The following TMEM164 variants were observed in gnomAD, a reference collection of about 807,000 sequenced individuals.
TMEM164 encodes transmembrane protein 164, also known as RP13-360B22.2.
A neutral mutation model predicts 18.8 loss-of-function variants in TMEM164; 4 were observed. That is an observed-to-expected ratio of 0.21 (90% CI 0.10 to 0.49). TMEM164 has a LOEUF of 0.49. TMEM164 is among the 20% of genes least tolerant of loss of function. TMEM164 has a pLI of 0.98. For synonymous variants in TMEM164, 86 were observed against 101.7 expected (o/e 0.85, Z 0.93); for missense variants, 108 against 239.9 (o/e 0.45, Z 3.63).
At chrX:110,168,881 T>A (rs935034253) in intron 5 of TMEM164, among the ~76,000 whole-genome samples, 10 of 112,848 alleles carry the variant, frequency 8.9e-5, no homozygotes, top group Non-Finnish European at 1.9e-4. Flanking sequence ...CATATAACAA[T>A]GAAAATAATC....
rs59507144 is a variant in TMEM164, at chrX:110,124,176, A to AAGGAAGGCAGGC, written c.507+15033_507+15034insAAGGCAGGCAGG. Among the ~76,000 whole-genome samples the AAGGAAGGCAGGC allele has an allele frequency of 8.5e-3, 658 of 77,121 alleles. 12 individuals carry two copies. The highest frequency in any genetic ancestry group is 0.041 in the East Asian group (88 of 2,133). 67.0% of individuals were successfully genotyped at this position (77,121 alleles called of 115,157 possible). A position where few individuals can be genotyped will look rare whatever the true frequency, so the allele number is the denominator to read the frequency against. On this transcript the variant is annotated intron_variant, in intron 4 of 6. Transcript: ENST00000372068. The stretch of plus-strand genomic sequence containing the variant: ...GAAGGAAGGAAGGAAGGAAGGAAGG[A>AAGGAAGGCAGGC]AGGCAGGAAGGCAGGCAGGCAGGCA...
chrX:110,182,842 A>G (rs1055261505), downstream of TMEM164: 1 of 111,827 alleles, frequency 8.9e-6, no homozygotes, highest in East Asian at 2.8e-4. Flanking sequence ...CAGTCACTCA[A>G]ATTAAGCTCT....
At chrX:110,070,326 TA>T (rs900643436) in intron 3 of TMEM164, among the ~76,000 whole-genome samples, 51 of 110,967 alleles carry the variant, frequency 4.6e-4, no homozygotes, top group Non-Finnish European at 8.5e-4. Flanking sequence ...AAAAAAAACA[TA>T]AAAAAAATTC....
At chrX:110,003,469 C>CT (rs66969246) in intron 1 of TMEM164, 32 bp from the exon 2 acceptor site, 3,045 of 187,466 alleles carry the variant, frequency 0.016, no homozygotes, top group Non-Finnish European at 0.021. Flanking sequence ...TTTGAGACCT[C>CT]TTTTTTTTTT....
chrX:110,003,993 C>T lies in TMEM164; in HGVS notation c.219C>T (p.Gly73=). 8.3e-7 allele frequency: 1 copy of T among 1,211,652 alleles called. No individual in the cohort carries two copies. The highest frequency in any genetic ancestry group is 1.8e-5 in the South Asian group (1 of 56,952). The change falls in exon 2 of 7, where the codon GGC becomes GGT. Residue 73 remains glycine, a synonymous_variant. Coordinates refer to ENST00000372068, the MANE Select transcript of TMEM164 (RefSeq NM_032227.4). ...QTKEDGRGSP[G]SQPEQVTQRP... The stretch of plus-strand genomic sequence containing the variant: ...AGGAGGACGGTAGGGGTAGCCCTGG[C>T]AGCCAGCCAGAGCAGGTGACCCAGC...
At chrX:110,086,374 A>G (rs1194193694) in intron 3 of TMEM164, among the ~76,000 whole-genome samples, 2 of 111,502 alleles carry the variant, frequency 1.8e-5, no homozygotes, top group South Asian at 3.7e-4. Flanking sequence ...TGTTTTAACT[A>G]TTTAACTGTT....
intron 3 of TMEM164, among the ~76,000 whole-genome samples, chrX:110,084,481 G>GTATATATATATATATATAT (rs1263986271): frequency 6.4e-5 from 3 of 46,662 alleles, no homozygotes; most frequent in African/African-American, 2.2e-4. Context: ...TATATATAGA[G>GTATATATATATATATATAT]AGAGAGAGAG....
At chrX:110,096,589 G>A (rs1187732099) in intron 3 of TMEM164, among the ~76,000 whole-genome samples, 4 of 112,136 alleles carry the variant, frequency 3.6e-5, no homozygotes, top group Admixed American at 9.5e-5. Context: ...TGTCTGTCAC[G>A]GCTTCCCTTG....
chrX:110,120,800 A>G (rs1334998026), intron 4 of TMEM164, among the ~76,000 whole-genome samples: 3 of 111,722 alleles, frequency 2.7e-5, no homozygotes, highest in Non-Finnish European at 3.8e-5. Flanking sequence ...TTTCTATGAC[A>G]TTAACTTTGT....
At chrX:110,110,689 A>C (rs931155360) in intron 4 of TMEM164, among the ~76,000 whole-genome samples, 8 of 112,422 alleles carry the variant, frequency 7.1e-5, no homozygotes, top group Middle Eastern at 4.6e-3. Flanking sequence ...TGATTGAGAG[A>C]GTCTACAAGT....
rs755500299 is a variant in TMEM164, at chrX:110,079,886, C to T, written c.440+12490C>T. Among the ~76,000 whole-genome samples, 4 of 109,214 alleles carry T rather than the reference C, an allele frequency of 3.7e-5. No homozygotes were observed. The South Asian group carries it at 1.6e-3, about 44-fold the overall frequency. The allele number at this position is 109,214 out of a possible 115,157, so 94.8% of individuals were successfully genotyped here. ...AGGAGATATACCTAATGCTAAATGA[C>T]GAGTTAATGGTTGCAGCACACCAGC... On this transcript the variant is annotated intron_variant, in intron 3 of 6. Coordinates refer to ENST00000372068, the MANE Select transcript of TMEM164 (RefSeq NM_032227.4).
intron 3 of TMEM164, among the ~76,000 whole-genome samples, chrX:110,090,310 A>C: frequency 1.0e-5 from 1 of 100,474 alleles, no homozygotes; most frequent in African/African-American, 4.0e-5. Flanking sequence ...TTTTAGTCTG[A>C]ATTTTTTTTT....
intron 5 of TMEM164, among the ~76,000 whole-genome samples, chrX:110,160,149 C>T (rs2067073129): frequency 8.9e-6 from 1 of 112,295 alleles, no homozygotes; most frequent in African/African-American, 3.2e-5. Context: ...TGTTTGTTTT[C>T]ATTTCGGCAG....
intron 3 of TMEM164, among the ~76,000 whole-genome samples, chrX:110,084,948 C>T (rs939005917): frequency 1.8e-5 from 2 of 110,447 alleles, no homozygotes; most frequent in Non-Finnish European, 3.8e-5. Context: ...GCTACTTACC[C>T]TAGGTTGTCT....
At chrX:110,004,252 C>T (rs1932532354) in intron 2 of TMEM164, 88 bp downstream of exon 2, 3 of 1,047,281 alleles carry the variant, frequency 2.9e-6, no homozygotes, top group South Asian at 2.3e-5. Flanking sequence ...GCACCTCATC[C>T]CGGCGGGCAG....
chrX:110,154,377 T>A (rs143423521), intron 5 of TMEM164, among the ~76,000 whole-genome samples: 1 of 111,352 alleles, frequency 9.0e-6, no homozygotes, highest in African/African-American at 3.3e-5. Flanking sequence ...GCCCAAGGAG[T>A]GCATAGTACC....
chrX:110,045,945 G>T (rs1437261469), intron 2 of TMEM164: 3 of 501,984 alleles, frequency 6.0e-6, no homozygotes, highest in Non-Finnish European at 7.3e-6. Context: ...GATTCAAATG[G>T]GATACCTGTA....
intron 2 of TMEM164, among the ~76,000 whole-genome samples, chrX:110,026,998 CT>C (rs1222308794): frequency 9.0e-6 from 1 of 111,019 alleles, no homozygotes; most frequent in Non-Finnish European, 1.9e-5. Flanking sequence ...AACTTTGTCT[CT>C]TCCTTTGTGG....
intron 2 of TMEM164, among the ~76,000 whole-genome samples, chrX:110,004,580 C>G (rs1238757307): frequency 9.0e-5 from 10 of 111,251 alleles, no homozygotes; most frequent in Non-Finnish European, 1.9e-4. Flanking sequence ...GACACTCTTT[C>G]CTGGAGGTGG....
Sources: gnomAD v4.1 joint callset for allele counts (sites outside exome capture counted in the v4.1 genomes callset) on GRCh38, gnomAD v4.1.1 for gene constraint, MANE v1.5 for transcripts, NCBI Gene and HGNC (gene_info 2026-07-23, HGNC 2026-07-21) for gene names.